Variants in SLC9A4 observed in about 807,000 individuals in gnomAD.
SLC9A4 encodes the protein sodium/hydrogen exchanger 4.
In SLC9A4, 63 loss-of-function variants were observed where a neutral mutation model predicts 67.4. The observed-to-expected ratio is 0.93, with a 90% confidence interval of 0.76 to 1.15. The LOEUF (loss-of-function observed/expected upper bound fraction) is 1.15, where lower values mean the gene tolerates loss of function less well. Among genes scored for constraint, SLC9A4 ranks in the 50% most tolerant of loss-of-function variants. The pLI, the probability that SLC9A4 is intolerant of heterozygous loss-of-function variation, is 0.00. For missense variants in SLC9A4, 1,089 were observed against 987.7 expected (o/e 1.10, Z -1.38); for synonymous variants, 393 against 367.2 (o/e 1.07, Z -0.80).
chr2:102,479,180 G>T lies in SLC9A4; in HGVS notation c.598G>T (p.Gly200Cys). Reference protein sequence around the residue: ...DVNLLQNLLFGSLISAVDPVA... With the variant: ...DVNLLQNLLFCSLISAVDPVA... The stretch of plus-strand genomic sequence containing the variant: ...CAACCTGCTGCAGAACCTGCTGTTC[G>T]GCAGCCTGATCTCCGCCGTGGACCC... Residue 200 changes from glycine to cysteine, a missense_variant, in exon 2 of 12, where the codon GGC (glycine) becomes TGC (cysteine). Physicochemically the swap from Gly to Cys is radical, Grantham distance 159 (BLOSUM62 -3). Transcript: ENST00000295269. The T allele has an allele frequency of 6.2e-7, 1 of 1,614,124 alleles. No individual in the cohort carries two copies. Among genetic ancestry groups the T allele is most frequent in the Admixed American group, 1.7e-5 (1 of 60,018 alleles).
chr2:102,477,999 C>T (rs1425182900), intron 1 of SLC9A4, among the ~76,000 whole-genome samples: 1 of 152,168 alleles, frequency 6.6e-6, no homozygotes, highest in Non-Finnish European at 1.5e-5. Context: ...TTTGGTCTTC[C>T]ACCTGGCGGT....
chr2:102,492,001 C>T (rs1684712832), intron 2 of SLC9A4, among the ~76,000 whole-genome samples: 1 of 152,218 alleles, frequency 6.6e-6, no homozygotes, highest in Non-Finnish European at 1.5e-5. Flanking sequence ...GAAGGGCAGT[C>T]AAATCTTAAA....
At chr2:102,476,048 G>T (rs546610313) in intron 1 of SLC9A4, among the ~76,000 whole-genome samples, 464 of 152,302 alleles carry the variant, frequency 3.0e-3, no homozygotes, top group Non-Finnish European at 5.3e-3. Flanking sequence ...AAGGGACTTG[G>T]TCTAACGGGG....
At chr2:102,523,675 G>A (rs1248460337) in intron 9 of SLC9A4, among the ~76,000 whole-genome samples, 1 of 152,148 alleles carries the variant, frequency 6.6e-6, no homozygotes, top group Non-Finnish European at 1.5e-5. Context: ...CTACTCCTTG[G>A]CAGGCTGCCT....
intron 2 of SLC9A4, among the ~76,000 whole-genome samples, chr2:102,490,047 C>A (rs897658293): frequency 6.6e-6 from 1 of 151,342 alleles, no homozygotes; most frequent in African/African-American, 2.4e-5. Context: ...ATTTGGCATG[C>A]AGGAAAGATC....
chr2:102,494,061 A>G lies in SLC9A4; in HGVS notation c.721-9387A>G, dbSNP rs556963724. ...GGGATCCATGTGCATGGTGGGGACC[A>G]TAACTATCATGACTAGGAGGGTTGG... On this transcript the variant is annotated intron_variant, in intron 2 of 11. Coordinates refer to ENST00000295269, the MANE Select transcript of SLC9A4 (RefSeq NM_001011552.4). 3.3e-5 allele frequency among the ~76,000 whole-genome samples: 5 copies of G among 152,054 alleles called. No homozygotes were observed. The East Asian group carries it at 9.6e-4, about 29-fold the overall frequency.
At chr2:102,492,602 G>A (rs938778655) in intron 2 of SLC9A4, among the ~76,000 whole-genome samples, 3 of 135,890 alleles carry the variant, frequency 2.2e-5, no homozygotes, top group African/African-American at 8.5e-5. Context: ...AGAGCAGGGG[G>A]GCCCTGGCCT....
intron 1 of SLC9A4, 142 bp downstream of exon 1, chr2:102,474,157 A>G: frequency 9.7e-7 from 1 of 1,030,720 alleles, no homozygotes; most frequent in South Asian, 1.6e-5. Context: ...CAGTCAAGGG[A>G]AAGTCATAAC....
In SLC9A4 at chr2:102,526,361, TGG is replaced by T. The variant is rs1674665916; in HGVS notation, c.2038+16_2038+17del. The T allele has an allele frequency of 1.2e-6, 2 of 1,612,348 alleles. No individual in the cohort carries two copies. The highest frequency in any genetic ancestry group is 8.5e-7 in the Non-Finnish European group (1 of 1,178,640). ...TGGGTTCTCAGGTAAGCTGCCCACC[TGG>T]CTGCTCTGCTGCTTTTCTGTAGAGT... On this transcript the variant is annotated intron_variant, in intron 11 of 11. Transcript: ENST00000295269.
chr2:102,528,141 G>A (rs965007349), intron 11 of SLC9A4, among the ~76,000 whole-genome samples: 3 of 152,082 alleles, frequency 2.0e-5, no homozygotes, highest in Admixed American at 6.5e-5. Flanking sequence ...CCGAGTAGCT[G>A]GAATTACAGG....
intron 2 of SLC9A4, among the ~76,000 whole-genome samples, chr2:102,492,575 A>G (rs2104424081): frequency 6.6e-6 from 1 of 152,324 alleles, no homozygotes; most frequent in Non-Finnish European, 1.5e-5. Context: ...ACACCGTACC[A>G]TGTCCTAAGG....
chr2:102,520,379 C>G (rs1685379704), intron 9 of SLC9A4, among the ~76,000 whole-genome samples: 1 of 152,100 alleles, frequency 6.6e-6, no homozygotes, highest in Admixed American at 6.6e-5. Context: ...TATTGAAACT[C>G]TAATTTATAA....
Position 102,497,173 on chromosome 2 carries a change from T to C in SLC9A4, c.721-6275T>C, listed in dbSNP as rs150126383. On this transcript the variant is annotated intron_variant, in intron 2 of 11. Transcript: ENST00000295269. ...ATCTTGAACTCCTGGCCTCAAGTGATGCATCTGCCTCGGCCTCCCAAAGTG... is the reference window on the plus strand; with the variant it reads ...ATCTTGAACTCCTGGCCTCAAGTGACGCATCTGCCTCGGCCTCCCAAAGTG... 1.5e-3 allele frequency among the ~76,000 whole-genome samples: 231 copies of C among 152,328 alleles called. 6 individuals are homozygous for C. In the East Asian group the frequency reaches 0.043, roughly 29 times the overall value.
In SLC9A4 at chr2:102,483,893, GA is replaced by G. The variant is rs1684528874; in HGVS notation, c.720+4596del. Among the ~76,000 whole-genome samples, 2 of 130,882 alleles carry G rather than the reference GA, an allele frequency of 1.5e-5. 1 individual carries two copies. Among genetic ancestry groups the G allele is most frequent in the African/African-American group, 5.6e-5 (2 of 35,720 alleles). The allele number at this position is 130,882 out of a possible 152,430, so 85.9% of individuals were successfully genotyped here. A position where few individuals can be genotyped will look rare whatever the true frequency, so the allele number is the denominator to read the frequency against. Reference sequence around the variant, plus strand: ...CACATATATACATATATAATATATAGAAAAATATCTCATATATATTTATATA... The same window carrying G: ...CACATATATACATATATAATATATAGAAAATATCTCATATATATTTATATA... On this transcript the variant is annotated intron_variant, in intron 2 of 11. Transcript: ENST00000295269.
rs775373011 is a variant in SLC9A4, at chr2:102,514,118, C to G, written c.1588C>G (p.Arg530Gly). The G allele has an allele frequency of 6.2e-7, 1 of 1,613,028 alleles. No homozygotes were observed. ...KFKKFDHRYL[R>G]KILIRKNLPK... is the part of the protein sequence containing the mutation. ...TAAGAAGTTTGATCATAGATACTTA[C>G]GGAAAATCCTCATCAGAAAGAACCT... Residue 530 changes from arginine (R) to glycine (G), a missense_variant, in exon 8 of 12, where the codon CGG becomes GGG. Coordinates refer to ENST00000295269, the MANE Select transcript of SLC9A4 (RefSeq NM_001011552.4).
Position 102,525,048 on chromosome 2 carries a change from C to G in SLC9A4, c.1843C>G (p.Leu615Val). 1 of 1,614,050 alleles carries G rather than the reference C, an allele frequency of 6.2e-7. No individual in the cohort carries two copies. The highest frequency in any genetic ancestry group is 8.5e-7 in the Non-Finnish European group (1 of 1,179,982). The stretch of plus-strand genomic sequence containing the variant: ...GACCCTGTCCTACAACAAATACAAC[C>G]TCAAACCCCAAACAAGTGAGAAGCA... ...QRTLSYNKYN[L>V]KPQTSEKQAK... Residue 615 changes from leucine (L) to valine (V), a missense_variant, in exon 10 of 12, where the codon CTC becomes GTC. Physicochemically the swap from Leu to Val is conservative, Grantham distance 32. Coordinates refer to ENST00000295269, the MANE Select transcript of SLC9A4 (RefSeq NM_001011552.4).
intron 11 of SLC9A4, among the ~76,000 whole-genome samples, chr2:102,530,267 G>A (rs1432059628): frequency 1.3e-5 from 2 of 152,138 alleles, no homozygotes. Context: ...TTTCATGCCA[G>A]GGTGCCCATG....
chr2:102,474,049 CT>C, intron 1 of SLC9A4, 34 bp downstream of exon 1: 1 of 1,600,874 alleles, frequency 6.2e-7, no homozygotes, highest in South Asian at 1.1e-5. Flanking sequence ...GGTGAGTTAT[CT>C]TTTTACATAA....
chr2:102,499,860 C>T (rs1350826394), intron 2 of SLC9A4, among the ~76,000 whole-genome samples: 1 of 152,142 alleles, frequency 6.6e-6, no homozygotes, highest in Admixed American at 6.5e-5. Context: ...CATGATTGAA[C>T]CATTTGGGGA....
Sources: allele counts gnomAD v4.1 joint callset (sites outside exome capture counted in the v4.1 genomes callset), GRCh38; gene constraint gnomAD v4.1.1; transcripts MANE v1.5; gene names NCBI Gene and HGNC (gene_info 2026-07-23, HGNC 2026-07-21).